The following MEGF8 variants were observed in gnomAD, a reference collection of about 807,000 sequenced individuals.
The protein encoded by MEGF8 is multiple EGF like domains 8.
MEGF8 carries 156 observed loss-of-function variants against 302.9 expected under a neutral mutation model. The observed-to-expected ratio is 0.52, with a 90% CI of 0.45 to 0.59. The LOEUF (loss-of-function observed/expected upper bound fraction) is 0.59, where lower values mean the gene tolerates loss of function less well. Ranked by LOEUF, MEGF8 falls within the 20% of genes least tolerant of loss-of-function variation. The pLI, the probability that MEGF8 is intolerant of heterozygous loss-of-function variation, is 0.00. For synonymous variants in MEGF8, 1,621 were observed against 1,660.5 expected (o/e 0.98, Z 0.58); for missense variants, 3,345 against 3,964.5 (o/e 0.84, Z 4.20).
chr19:42,359,132 T>C lies in MEGF8; in HGVS notation c.5378T>C (p.Leu1793Ser). Residue 1793 changes from leucine to serine, a missense_variant, in exon 31 of 42, where the codon TTA becomes TCA. By Grantham distance (145) the Leu-to-Ser change is moderately radical. Transcript: ENST00000251268. Reference sequence around the variant, plus strand: ...CGGCTTTTCCACGCCTCAGCCCTGTTAGGGGACACCATGGTGGTTCTTGGG... The same window carrying C: ...CGGCTTTTCCACGCCTCAGCCCTGTCAGGGGACACCATGGTGGTTCTTGGG... The part of the protein sequence containing the change: ...RPRLFHASAL[L>S]GDTMVVLGGR... 1 of 1,581,192 alleles carries C rather than the reference T, an allele frequency of 6.3e-7. No individual in the cohort carries two copies. Among genetic ancestry groups the C allele is most frequent in the South Asian group, 1.2e-5 (1 of 86,946 alleles).
Position 42,370,811 on chromosome 19 carries a change from C to G in MEGF8, c.7116C>G (p.Leu2372=), listed in dbSNP as rs372380349. The G allele has an allele frequency of 2.6e-6, 3 of 1,152,972 alleles. No homozygotes were observed. In the Admixed American group the frequency reaches 6.7e-5, roughly 26 times the overall value. The allele number at this position is 1,152,972 out of a possible 1,614,324, so 71.4% of individuals were successfully genotyped here. Reference sequence around the variant, plus strand: ...AGAGCTGCCTGCAGGGCTACTTCCTCCTGGACGGGAAGTGCACCAAGTAAG... The same window carrying G: ...AGAGCTGCCTGCAGGGCTACTTCCTGCTGGACGGGAAGTGCACCAAGTAAG... The part of the protein sequence containing the change: ...KCESCLQGYF[L]LDGKCTKCQC... Residue 2372 remains leucine, a synonymous_variant, in exon 40 of 42, where the codon CTC becomes CTG. Transcript: ENST00000251268.
rs10407085 is a variant in MEGF8 at position 42,369,930 on chromosome 19, G to T, written c.6834+207G>T. Among the ~76,000 whole-genome samples, 1 of 152,216 alleles carries T rather than the reference G, an allele frequency of 6.6e-6. No homozygotes were observed. The highest frequency in any genetic ancestry group is 2.1e-4 in the South Asian group (1 of 4,828). On this transcript the variant is annotated intron_variant, in intron 38 of 41. Transcript: ENST00000251268. This position sits in a 1 kb window ranked among gnomAD's most constrained non-coding sequence, Gnocchi z 5.7. ...GAGGGTCTGCCCTGGAATAGTGGAC[G>T]GAGTGGGTGCTGCGCCAGGAGGACA...
In MEGF8 at chr19:42,349,490, C is replaced by T. The variant is rs750988951; in HGVS notation, c.2299-9C>T. On this transcript the variant is annotated splice_polypyrimidine_tract_variant and intron_variant, in intron 13 of 41. Transcript: ENST00000251268. ...TGAGGCCCCTGCCTATCACTCACAC[C>T]TACCCCAGGAGGAGGTGGGGCGCTG... is the stretch of plus-strand genomic sequence containing the variant. The T allele has an allele frequency of 3.7e-6, 6 of 1,609,140 alleles. No individual in the cohort carries two copies. The highest frequency in any genetic ancestry group is 1.3e-5 in the African/African-American group (1 of 74,786).
chr19:42,375,704 C>G lies in MEGF8; in HGVS notation c.7467C>G (p.Ile2489Met), dbSNP rs781773462. The G allele has an allele frequency of 3.1e-6, 5 of 1,611,076 alleles. No homozygotes were observed. Among genetic ancestry groups the G allele is most frequent in the Non-Finnish European group, 3.4e-6 (4 of 1,179,104 alleles). Residue 2489 changes from isoleucine to methionine, a missense_variant, in exon 42 of 42, where the codon ATC (isoleucine) becomes ATG (methionine). Transcript: ENST00000251268. This position sits in a 1 kb window ranked among gnomAD's most constrained non-coding sequence, Gnocchi z 7.1. ...GVQPKFTNVDIRLTLDVTFGA... is the reference protein window; with the variant it reads ...GVQPKFTNVDMRLTLDVTFGA... ...AGCCCAAATTCACCAACGTGGACAT[C>G]CGCCTGACGCTGGACGTGACCTTCG...
At position 42,371,374 on chromosome 19, in the gene MEGF8, C is replaced by T. The variant is rs1162465300; in HGVS notation, c.7161C>T (p.Asp2387=). The T allele has an allele frequency of 1.2e-6, 2 of 1,613,822 alleles. No homozygotes were observed. Among genetic ancestry groups the T allele is most frequent in the African/African-American group, 2.7e-5 (2 of 74,936 alleles). ...GATGCCAGTGTAATGGCCACGCGGA[C>T]ACATGTAACGAGCAGGATGGGACGG... ...CTKCQCNGHA[D]TCNEQDGTGC... Residue 2387 remains aspartate, a synonymous_variant, in exon 41 of 42, where the codon GAC becomes GAT. Coordinates refer to ENST00000251268, the MANE Select transcript of MEGF8 (RefSeq NM_001271938.2).
At position 42,351,119 on chromosome 19, in the gene MEGF8, A is replaced by G. The variant is rs2039363403; in HGVS notation, c.2737-97A>G. On this transcript the variant is annotated intron_variant, in intron 15 of 41. Coordinates refer to ENST00000251268, the MANE Select transcript of MEGF8 (RefSeq NM_001271938.2). This position sits in a 1 kb window ranked among gnomAD's most constrained non-coding sequence, Gnocchi z 5.6. ...TGGGGAGGGAGATGGCCTTACAGGG[A>G]CAGTCTGCAGGGTGGGGCAGGGGGT... 9.4e-7 allele frequency: 1 copy of G among 1,059,544 alleles called. No individual in the cohort carries two copies. Among genetic ancestry groups the G allele is most frequent in the Non-Finnish European group, 1.4e-6 (1 of 728,574 alleles). The allele number at this position is 1,059,544 out of a possible 1,614,324, so 65.6% of individuals were successfully genotyped here. A position where few individuals can be genotyped will look rare whatever the true frequency, so the allele number is the denominator to read the frequency against.
At position 42,348,398 on chromosome 19, in the gene MEGF8, G is replaced by A. The variant is rs1261334999; in HGVS notation, c.2224G>A (p.Val742Met). ...GCCAGGTGGACCAGGGGCTGAGGAC[G>A]TGGCCGTGTGGACGCGGGCCCAGCG... is the stretch of plus-strand genomic sequence containing the variant. ...GGPGGPGAED[V>M]AVWTRAQRLH... The change falls in exon 13 of 42, where the codon GTG (valine) becomes ATG (methionine). Residue 742 changes from valine (V) to methionine (M), a missense_variant. Coordinates refer to ENST00000251268, the MANE Select transcript of MEGF8 (RefSeq NM_001271938.2). 10 of 1,536,872 alleles carry A rather than the reference G, an allele frequency of 6.5e-6. No homozygotes were observed. Among genetic ancestry groups the A allele is most frequent in the Non-Finnish European group, 8.7e-6 (10 of 1,146,686 alleles).
intron 32 of MEGF8, 90 bp downstream of exon 32, chr19:42,361,096 G>A (rs2039525118): frequency 3.0e-6 from 4 of 1,348,728 alleles, no homozygotes; most frequent in African/African-American, 2.9e-5. Context: ...GGCCTCAGGA[G>A]TATACCGTCT....
At position 42,356,602 on chromosome 19, in the gene MEGF8, G is replaced by A. The variant is rs911049022; in HGVS notation, c.4622+149G>A. 2.1e-6 allele frequency: 2 copies of A among 945,402 alleles called. No individual in the cohort carries two copies. Among genetic ancestry groups the A allele is most frequent in the African/African-American group, 3.3e-5 (2 of 60,104 alleles). The allele number at this position is 945,402 out of a possible 1,614,324, so 58.6% of individuals were successfully genotyped here. A position where few individuals can be genotyped will look rare whatever the true frequency, so the allele number is the denominator to read the frequency against. ...ACACTTGTCACAGGAAGCTCACCCG[G>A]GGACACTTGGGGACCAGGGTACTTA... On this transcript the variant is annotated intron_variant, in intron 26 of 41. Coordinates refer to ENST00000251268, the MANE Select transcript of MEGF8 (RefSeq NM_001271938.2). This position sits in a 1 kb window ranked among gnomAD's most constrained non-coding sequence, Gnocchi z 5.2.
In MEGF8 at chr19:42,351,498, C is replaced by T; in HGVS notation, c.2925C>T (p.Cys975=). The change falls in exon 17 of 42, where the codon TGC becomes TGT. Residue 975 remains cysteine, a synonymous_variant. Transcript: ENST00000251268. This position sits in a 1 kb window ranked among gnomAD's most constrained non-coding sequence, Gnocchi z 5.6. ...QCAWCQSTHT[C]FLFAAYLARY... is the part of the protein sequence containing the mutation. ...CCTGGTGCCAGTCCACCCACACCTG[C>T]TTCCTGTTTGCTGCCTACTTGGCCC... is the stretch of plus-strand genomic sequence containing the variant. 6.2e-7 allele frequency: 1 copy of T among 1,606,858 alleles called. No homozygotes were observed. Among genetic ancestry groups the T allele is most frequent in the South Asian group, 1.1e-5 (1 of 89,590 alleles).
Position 42,357,664 on chromosome 19 carries a change from C to T in MEGF8, c.5011+80C>T, listed in dbSNP as rs2039471961. The T allele has an allele frequency of 7.0e-6, 9 of 1,281,680 alleles. No homozygotes were observed. Among genetic ancestry groups the T allele is most frequent in the Admixed American group, 2.2e-5 (1 of 44,910 alleles). The allele number at this position is 1,281,680 out of a possible 1,614,324, so 79.4% of individuals were successfully genotyped here. ...CTTCCTGTGGGCTCTCCATCCACTGCTGTGCTCTGTGGCCACCTGTCTCCC... is the reference window on the plus strand; with the variant it reads ...CTTCCTGTGGGCTCTCCATCCACTGTTGTGCTCTGTGGCCACCTGTCTCCC... On this transcript the variant is annotated intron_variant, in intron 28 of 41. Coordinates refer to ENST00000251268, the MANE Select transcript of MEGF8 (RefSeq NM_001271938.2). The surrounding 1 kb of genome is among the most constrained non-coding windows in gnomAD (Gnocchi z 5.2).
Position 42,369,579 on chromosome 19 carries a change from C to A in MEGF8, c.6690C>A (p.Gly2230=). ...TGTGCGCCCAGGGCTGCGTGAACGG[C>A]TCATGTGTGGAGCCCGACCACTGCC... is the stretch of plus-strand genomic sequence containing the variant. ...RPVCAQGCVN[G]SCVEPDHCRC... The change falls in exon 38 of 42, where the codon GGC becomes GGA. Residue 2230 remains glycine (G), a synonymous_variant. Coordinates refer to ENST00000251268, the MANE Select transcript of MEGF8 (RefSeq NM_001271938.2). This position sits in a 1 kb window ranked among gnomAD's most constrained non-coding sequence, Gnocchi z 5.7. 6.2e-7 allele frequency: 1 copy of A among 1,612,116 alleles called. No individual in the cohort carries two copies. The highest frequency in any genetic ancestry group is 8.5e-7 in the Non-Finnish European group (1 of 1,179,792).
At chr19:42,328,589 T>TGTGTGTGTGTGTGTGTGTGTGG (rs1281441595) in intron 1 of MEGF8, among the ~76,000 whole-genome samples, 7 of 151,834 alleles carry the variant, frequency 4.6e-5, no homozygotes, top group African/African-American at 1.7e-4. Context: ...TGTGTGTGTG[T>TGTGTGTGTGTGTGTGTGTGTGG]GGCGAAGGGG....
chr19:42,344,610 G>A lies in MEGF8; in HGVS notation c.1933+25G>A. ...GGTGAGTGTCCGCAGCAGTGGGCCG[G>A]CAGGAGGGGGCCAGAGCACTCCACA... On this transcript the variant is annotated intron_variant, in intron 11 of 41. Transcript: ENST00000251268. The surrounding 1 kb of genome is among the most constrained non-coding windows in gnomAD (Gnocchi z 4.5). The A allele has an allele frequency of 1.3e-6, 2 of 1,579,350 alleles. No individual in the cohort carries two copies. Among genetic ancestry groups the A allele is most frequent in the African/African-American group, 2.7e-5 (2 of 74,500 alleles).
rs371198327 is a variant in MEGF8, at chr19:42,335,347, G to A, written c.790G>A (p.Ala264Thr). ...LGDLVLYNFSANTWESWDLSP... is the reference protein window; with the variant it reads ...LGDLVLYNFSTNTWESWDLSP... ...TGACCTCGTCCTATACAACTTCTCCGCCAACACCTGGGAGTCTTGGGACCT... is the reference window on the plus strand; with the variant it reads ...TGACCTCGTCCTATACAACTTCTCCACCAACACCTGGGAGTCTTGGGACCT... The change falls in exon 5 of 42, where the codon GCC (alanine) becomes ACC (threonine). Residue 264 changes from alanine (A) to threonine (T), a missense_variant. Physicochemically the swap from Ala to Thr is moderately conservative, Grantham distance 58. Coordinates refer to ENST00000251268, the MANE Select transcript of MEGF8 (RefSeq NM_001271938.2). 2.3e-5 allele frequency: 37 copies of A among 1,613,802 alleles called. No homozygotes were observed. In the Middle Eastern group the frequency reaches 4.9e-4, roughly 22 times the overall value.
Position 42,353,863 on chromosome 19 carries a change from G to T in MEGF8, c.3850G>T (p.Gly1284Trp). 6.2e-7 allele frequency: 1 copy of T among 1,603,272 alleles called. No homozygotes were observed. Among genetic ancestry groups the T allele is most frequent in the East Asian group, 2.3e-5 (1 of 44,404 alleles). The change falls in exon 22 of 42, where the codon GGG becomes TGG. Residue 1284 changes from glycine (G) to tryptophan (W), a missense_variant. Coordinates refer to ENST00000251268, the MANE Select transcript of MEGF8 (RefSeq NM_001271938.2). This position sits in a 1 kb window ranked among gnomAD's most constrained non-coding sequence, Gnocchi z 6.1. ...GGCACTGGGCTCACGCCGGGTCGGG[G>T]GGCTGCTGCCTCCAGGTGGCGGGGC... ...SVALGSRRVGGLLPPGGGAAR... is the reference protein window; with the variant it reads ...SVALGSRRVGWLLPPGGGAAR...
Position 42,369,839 on chromosome 19 carries a change from A to G in MEGF8, c.6834+116A>G. 1 of 1,187,920 alleles carries G rather than the reference A, an allele frequency of 8.4e-7. No individual in the cohort carries two copies. Among genetic ancestry groups the G allele is most frequent in the Non-Finnish European group, 1.2e-6 (1 of 858,098 alleles). 73.6% of individuals were successfully genotyped at this position (1,187,920 alleles called of 1,614,324 possible). A position where few individuals can be genotyped will look rare whatever the true frequency, so the allele number is the denominator to read the frequency against. ...GAGCCCTGATAAGCCAGGGACAGAT[A>G]AGCCAGAGCCCTGTCCCAGGGAGAT... On this transcript the variant is annotated intron_variant, in intron 38 of 41. Transcript: ENST00000251268. This position sits in a 1 kb window ranked among gnomAD's most constrained non-coding sequence, Gnocchi z 5.7.
intron 12 of MEGF8, among the ~76,000 whole-genome samples, chr19:42,347,424 C>T (rs1289135631): frequency 6.7e-6 from 1 of 149,514 alleles, no homozygotes; most frequent in Non-Finnish European, 1.5e-5. Context: ...CTTAAGTGAT[C>T]TTCCCACCTT....
Position 42,378,650 on chromosome 19 carries a change from C to G in MEGF8, c.*1875C>G, listed in dbSNP as rs753203310. On this transcript the variant is annotated 3_prime_UTR_variant, in exon 42 of 42. Coordinates refer to ENST00000251268, the MANE Select transcript of MEGF8 (RefSeq NM_001271938.2). Reference sequence around the variant, plus strand: ...GGGACTGGACTTTGCATCTTCCCTTCGCGTGGAGCCTCAGTGTGAGAGGCC... The same window carrying G: ...GGGACTGGACTTTGCATCTTCCCTTGGCGTGGAGCCTCAGTGTGAGAGGCC... The G allele has an allele frequency of 2.0e-5, 3 of 150,482 alleles. No individual in the cohort carries two copies. The highest frequency in any genetic ancestry group is 4.5e-5 in the Non-Finnish European group (3 of 66,966). 9.3% of individuals were successfully genotyped at this position (150,482 alleles called of 1,614,324 possible). A position where few individuals can be genotyped will look rare whatever the true frequency, so the allele number is the denominator to read the frequency against.
Sources: allele counts gnomAD v4.1 joint callset (sites outside exome capture counted in the v4.1 genomes callset), GRCh38; gene constraint gnomAD v4.1.1; non-coding constraint Gnocchi (gnomAD v3.1); transcripts MANE v1.5; gene names NCBI Gene and HGNC (gene_info 2026-07-23, HGNC 2026-07-21).